RTL4: variants seen among roughly 807,000 people sequenced by gnomAD.
RTL4 encodes the protein retrotransposon Gag like 4.
RTL4 carries 4 observed loss-of-function variants against 5.3 expected under a neutral mutation model. That is an observed-to-expected ratio of 0.75 (90% CI 0.37 to 1.72). The LOEUF (loss-of-function observed/expected upper bound fraction) is 1.72, where lower values mean the gene tolerates loss of function less well. Among genes scored for constraint, RTL4 ranks in the 40% most tolerant of loss-of-function variants. RTL4 has a pLI of 0.04. For synonymous variants in RTL4, 98 were observed against 87.3 expected (o/e 1.12, Z -0.68); for missense variants, 260 against 227.1 (o/e 1.14, Z -0.93).
the RTL4 span, among the ~76,000 whole-genome samples, chrX:112,173,420 A>C: frequency 6.3e-5 from 7 of 111,387 alleles, no homozygotes; most frequent in Middle Eastern, 4.6e-3. Context: ...TCTGCCGCTT[A>C]CTGGCTGTGT....
the RTL4 span, among the ~76,000 whole-genome samples, chrX:112,427,678 A>G: frequency 2.7e-5 from 3 of 111,193 alleles, no homozygotes; most frequent in African/African-American, 9.8e-5. Flanking sequence ...CTTTTCTAAT[A>G]TATGCATTTA....
the RTL4 span, among the ~76,000 whole-genome samples, chrX:112,174,351 G>A: frequency 5.1e-5 from 5 of 98,331 alleles, no homozygotes; most frequent in East Asian, 3.4e-4. Context: ...TTGTCCTTGC[G>A]ATAGTTTACT....
chrX:112,095,016 A>AC, the RTL4 span, among the ~76,000 whole-genome samples: 1 of 111,358 alleles, frequency 9.0e-6, no homozygotes, highest in Non-Finnish European at 1.9e-5. Context: ...AACATTTGAT[A>AC]CGTTTATATG....
chrX:112,291,275 G>T, the RTL4 span, among the ~76,000 whole-genome samples: 1 of 109,974 alleles, frequency 9.1e-6, no homozygotes, highest in Non-Finnish European at 1.9e-5. Flanking sequence ...AGACAAGTTT[G>T]TCCAGGATGA....
the RTL4 span, chrX:112,381,844 A>T: frequency 8.3e-7 from 1 of 1,208,107 alleles, no homozygotes; most frequent in East Asian, 3.0e-5. Context: ...AGGAGAAAAG[A>T]TTACTGGAGA....
At chrX:112,447,905 C>T in the RTL4 span, among the ~76,000 whole-genome samples, 2 of 111,637 alleles carry the variant, frequency 1.8e-5, no homozygotes, top group South Asian at 3.8e-4. Flanking sequence ...TTTCCTGAGC[C>T]TCAGATTCTT....
At chrX:112,242,866 T>C in the RTL4 span, among the ~76,000 whole-genome samples, 1 of 111,561 alleles carries the variant, frequency 9.0e-6, no homozygotes, top group Non-Finnish European at 1.9e-5. Flanking sequence ...TTGAAATACA[T>C]CAGTACCTAG....
chrX:112,127,617 A>T, the RTL4 span, among the ~76,000 whole-genome samples: 1 of 111,770 alleles, frequency 8.9e-6, no homozygotes, highest in Non-Finnish European at 1.9e-5. Context: ...TCCAAATTGG[A>T]AAGGATGAAG....
At chrX:112,356,766 A>G in the RTL4 span, among the ~76,000 whole-genome samples, 1 of 111,604 alleles carries the variant, frequency 9.0e-6, no homozygotes, top group East Asian at 2.8e-4. Context: ...ACTCTAGATG[A>G]CGTTATAGCT....
the RTL4 span, among the ~76,000 whole-genome samples, chrX:112,192,763 T>C: frequency 2.7e-5 from 3 of 111,687 alleles, no homozygotes; most frequent in East Asian, 2.8e-4. Flanking sequence ...AGTTGTCTTA[T>C]ATAGAAAAAA....
At chrX:112,275,410 A>G in the RTL4 span, among the ~76,000 whole-genome samples, 1 of 110,596 alleles carries the variant, frequency 9.0e-6, no homozygotes, top group Non-Finnish European at 1.9e-5. Flanking sequence ...GTGATGGTGG[A>G]CTCTTTTACC....
the RTL4 span, among the ~76,000 whole-genome samples, chrX:112,421,781 A>G: frequency 8.9e-6 from 1 of 111,932 alleles, no homozygotes; most frequent in Non-Finnish European, 1.9e-5. Context: ...TTTATTCTTA[A>G]TGGTTTTGTG....
the RTL4 span, among the ~76,000 whole-genome samples, chrX:112,222,460 G>A: frequency 9.0e-5 from 10 of 111,659 alleles, no homozygotes; most frequent in Admixed American, 1.9e-4. Context: ...GCTCATGCCT[G>A]TAATCCACAA....
At chrX:112,258,551 T>A in the RTL4 span, among the ~76,000 whole-genome samples, 2 of 111,773 alleles carry the variant, frequency 1.8e-5, no homozygotes, top group African/African-American at 6.5e-5. Context: ...GAACCGTATG[T>A]CCATGTTGTT....
the RTL4 span, among the ~76,000 whole-genome samples, chrX:112,153,981 C>T: frequency 1.8e-5 from 2 of 110,942 alleles, no homozygotes; most frequent in East Asian, 5.7e-4. Context: ...TGTTGATATA[C>T]TTGGTGGTGT....
chrX:112,299,410 AT>A, the RTL4 span, among the ~76,000 whole-genome samples: 9 of 112,605 alleles, frequency 8.0e-5, no homozygotes, highest in Non-Finnish European at 1.3e-4. Context: ...TTAAAAGTGA[AT>A]TTTTTTAATA....
the RTL4 span, among the ~76,000 whole-genome samples, chrX:112,099,236 T>C: frequency 3.6e-5 from 4 of 111,522 alleles, no homozygotes; most frequent in South Asian, 1.5e-3. Flanking sequence ...ATGTGAACAG[T>C]TCCTGGTTTT....
At chrX:112,200,300 T>C in the RTL4 span, among the ~76,000 whole-genome samples, 8 of 111,747 alleles carry the variant, frequency 7.2e-5, no homozygotes, top group African/African-American at 2.6e-4. Flanking sequence ...CTCACACATA[T>C]CAGAGTTCCC....
At chrX:112,087,205 G>C in the RTL4 span, among the ~76,000 whole-genome samples, 1 of 110,910 alleles carries the variant, frequency 9.0e-6, no homozygotes, top group African/African-American at 3.3e-5. Flanking sequence ...GGAAGAGTAG[G>C]TTTAGTCTTT....
Sources: gnomAD v4.1 joint callset for allele counts (sites outside exome capture counted in the v4.1 genomes callset) on GRCh38, gnomAD v4.1.1 for gene constraint, MANE v1.5 for transcripts, NCBI Gene and HGNC (gene_info 2026-07-23, HGNC 2026-07-21) for gene names.